ZNF33A: variants seen among roughly 807,000 people sequenced by gnomAD.
ZNF33A encodes zinc finger protein 33A.
ZNF33A carries 9 observed loss-of-function variants against 15.9 expected under a neutral mutation model. That is an observed-to-expected ratio of 0.57 (90% CI 0.34 to 0.99). The LOEUF is 0.99. Among genes scored for constraint, ZNF33A ranks in the 50% least tolerant of loss-of-function variants. The probability of loss-of-function intolerance (pLI) is 0.02; values close to 1 mark genes in which losing one functional copy is unlikely to be tolerated. For synonymous variants in ZNF33A, 294 were observed against 324.2 expected (o/e 0.91, Z 1.00); for missense variants, 843 against 941.6 (o/e 0.90, Z 1.37).
At chr10:38,050,752 C>T (rs1336977717) in intron 4 of ZNF33A, among the ~76,000 whole-genome samples, 1 of 152,220 alleles carries the variant, frequency 6.6e-6, no homozygotes, top group East Asian at 1.9e-4. Context: ...CTGAGCCTGT[C>T]CCTCTGACAT....
At chr10:38,053,394 A>C (rs1267080533) in intron 4 of ZNF33A, among the ~76,000 whole-genome samples, 4 of 152,122 alleles carry the variant, frequency 2.6e-5, no homozygotes. Flanking sequence ...AAGAGAGCTC[A>C]TGCATGTGCT....
At chr10:38,064,565 C>T (rs1190086874), downstream of ZNF33A, 2 of 154,918 alleles carry the variant, frequency 1.3e-5, no homozygotes, top group Non-Finnish European at 2.9e-5. Context: ...TCACTTCCTT[C>T]TCTCTCCCAT....
In ZNF33A at chr10:38,017,026, T is replaced by C. The variant is rs758015495; in HGVS notation, c.154+11T>C. 2 of 1,599,650 alleles carry C rather than the reference T, an allele frequency of 1.3e-6. No homozygotes were observed. Among genetic ancestry groups the C allele is most frequent in the East Asian group, 2.2e-5 (1 of 44,756 alleles). ...ACCTTGTCTCAGTGGGTAAGGTCTGTTCACTGTATCATTCTAAATAGCATT... is the reference window on the plus strand; with the variant it reads ...ACCTTGTCTCAGTGGGTAAGGTCTGCTCACTGTATCATTCTAAATAGCATT... On this transcript the variant is annotated intron_variant, in intron 3 of 4. Coordinates refer to ENST00000432900, the MANE Select transcript of ZNF33A (RefSeq NM_006954.2).
chr10:38,028,578 A>C (rs897612252), intron 4 of ZNF33A, among the ~76,000 whole-genome samples: 23 of 151,248 alleles, frequency 1.5e-4, no homozygotes, highest in African/African-American at 5.6e-4. Context: ...AGTGATTCTC[A>C]TGCCTCAGCC....
chr10:38,051,883 A>G (rs2066225107), intron 4 of ZNF33A, among the ~76,000 whole-genome samples: 1 of 152,118 alleles, frequency 6.6e-6, no homozygotes, highest in Non-Finnish European at 1.5e-5. Context: ...TCAAATCCAT[A>G]TGACCATTTC....
chr10:38,064,140 A>G (rs1191310537), downstream of ZNF33A: 2 of 1,593,794 alleles, frequency 1.3e-6, no homozygotes, highest in Non-Finnish European at 8.5e-7. Flanking sequence ...CTGGAAGAAG[A>G]GGACTCTGCA....
chr10:38,046,199 A>T (rs928145155), intron 4 of ZNF33A, among the ~76,000 whole-genome samples: 17 of 152,174 alleles, frequency 1.1e-4, no homozygotes, highest in African/African-American at 3.9e-4. Context: ...AGATAGATGC[A>T]CACAGAGAGA....
Position 38,056,999 on chromosome 10 carries a change from A to G in ZNF33A, c.*439A>G, listed in dbSNP as rs1564885774. The stretch of plus-strand genomic sequence containing the variant: ...GAGAATTCCCATGTACACTTCACCA[A>G]ACTTCCTCTAAGGATAATGTATAAT... On this transcript the variant is annotated 3_prime_UTR_variant, in exon 5 of 5. Coordinates refer to ENST00000432900, the MANE Select transcript of ZNF33A (RefSeq NM_006954.2). 1.3e-6 allele frequency: 1 copy of G among 789,976 alleles called. No homozygotes were observed. The highest frequency in any genetic ancestry group is 1.5e-6 in the Non-Finnish European group (1 of 649,964). The allele number at this position is 789,976 out of a possible 1,614,324, so 48.9% of individuals were successfully genotyped here.
intron 4 of ZNF33A, among the ~76,000 whole-genome samples, chr10:38,018,718 C>T (rs1368790178): frequency 6.6e-6 from 1 of 152,020 alleles, no homozygotes; most frequent in African/African-American, 2.4e-5. Flanking sequence ...TAGTTTGGTT[C>T]TCTCAGTATT....
At chr10:38,031,587 GAA>G (rs527860734) in intron 4 of ZNF33A, among the ~76,000 whole-genome samples, 14 of 119,610 alleles carry the variant, frequency 1.2e-4, no homozygotes, top group African/African-American at 4.4e-4. Flanking sequence ...AAAAAGAAAA[GAA>G]AAAAAAAAAA....
At chr10:38,063,128 C>T (rs1011715832), downstream of ZNF33A, among the ~76,000 whole-genome samples, 2 of 151,698 alleles carry the variant, frequency 1.3e-5, no homozygotes, top group African/African-American at 4.8e-5. Flanking sequence ...CAACTGTGTC[C>T]GTGTGTAGTA....
rs1442461666 is a variant in ZNF33A, at chr10:38,056,211, A to T, written c.2087A>T (p.Asn696Ile). ...KHTGEKPYEC[N>I]ECGKFFRHKS... ...ACGGGGGAGAAACCCTATGAATGCA[A>T]TGAATGTGGGAAATTCTTCAGGCAC... Residue 696 changes from asparagine (N) to isoleucine (I), a missense_variant, in exon 5 of 5, where the codon AAT (asparagine) becomes ATT (isoleucine). Coordinates refer to ENST00000432900, the MANE Select transcript of ZNF33A (RefSeq NM_006954.2). The T allele has an allele frequency of 6.2e-7, 1 of 1,613,998 alleles. No homozygotes were observed. The highest frequency in any genetic ancestry group is 2.2e-5 in the East Asian group (1 of 44,874).
chr10:38,024,231 A>G (rs1245940187), intron 4 of ZNF33A, among the ~76,000 whole-genome samples: 1 of 151,390 alleles, frequency 6.6e-6, no homozygotes, highest in Non-Finnish European at 1.5e-5. Context: ...AAAAAGTTTC[A>G]GGATCCAAGA....
rs1454830027 is a variant in ZNF33A, at chr10:38,022,060, T to C, written c.250+4674T>C. ...AAGACGATAGGTTGCAAACCCATAA[T>C]TGACTTTCTACCTTAAGAAACTAGA... On this transcript the variant is annotated intron_variant, in intron 4 of 4. Transcript: ENST00000432900. 2.6e-5 allele frequency among the ~76,000 whole-genome samples: 4 copies of C among 152,120 alleles called. No individual in the cohort carries two copies. In the South Asian group the frequency reaches 8.3e-4, roughly 32 times the overall value.
At chr10:38,051,650 T>C (rs1430897881) in intron 4 of ZNF33A, among the ~76,000 whole-genome samples, 1 of 12,292 alleles carries the variant, frequency 8.1e-5, no homozygotes, top group Non-Finnish European at 1.6e-4. Flanking sequence ...CAACAAAACT[T>C]TTTTTGTGAT....
intron 4 of ZNF33A, among the ~76,000 whole-genome samples, chr10:38,046,027 C>T (rs182496930): frequency 2.6e-5 from 4 of 152,290 alleles, no homozygotes; most frequent in African/African-American, 7.2e-5. Context: ...GGAATCTCTT[C>T]TCAATGACCT....
intron 4 of ZNF33A, among the ~76,000 whole-genome samples, chr10:38,027,750 T>C (rs1590543211): frequency 6.6e-6 from 1 of 152,228 alleles, no homozygotes; most frequent in Non-Finnish European, 1.5e-5. Context: ...CACATAGTTA[T>C]ACTTTTTATA....
At chr10:38,042,606 C>T (rs1030568907) in intron 4 of ZNF33A, among the ~76,000 whole-genome samples, 4 of 151,220 alleles carry the variant, frequency 2.6e-5, no homozygotes, top group South Asian at 2.1e-4. Context: ...GCTGGAGTGC[C>T]GTGGTAGGAT....
At position 38,056,721 on chromosome 10, in the gene ZNF33A, A is replaced by T; in HGVS notation, c.*161A>T. On this transcript the variant is annotated 3_prime_UTR_variant, in exon 5 of 5. Coordinates refer to ENST00000432900, the MANE Select transcript of ZNF33A (RefSeq NM_006954.2). Reference sequence around the variant, plus strand: ...CTTACAGATTTTTTTTGAATTTGTGAAAGTTTTTGGCAAAAATGCAAATAA... The same window carrying T: ...CTTACAGATTTTTTTTGAATTTGTGTAAGTTTTTGGCAAAAATGCAAATAA... 8.0e-7 allele frequency: 1 copy of T among 1,252,062 alleles called. No homozygotes were observed. The highest frequency in any genetic ancestry group is 3.0e-5 in the East Asian group (1 of 33,004). The allele number at this position is 1,252,062 out of a possible 1,614,324, so 77.6% of individuals were successfully genotyped here. A position where few individuals can be genotyped will look rare whatever the true frequency, so the allele number is the denominator to read the frequency against.
Sources: allele counts gnomAD v4.1 joint callset (sites outside exome capture counted in the v4.1 genomes callset), GRCh38; gene constraint gnomAD v4.1.1; transcripts MANE v1.5; gene names NCBI Gene and HGNC (gene_info 2026-07-23, HGNC 2026-07-21).